TLCD4: variants seen among roughly 807,000 people sequenced by gnomAD.
The protein encoded by TLCD4 is TLC domain containing 4, also known as TLC domain-containing protein 4.
In TLCD4, 7 loss-of-function variants were observed where a neutral mutation model predicts 24.2. The ratio of observed to expected loss-of-function variants is 0.29; its 90% CI spans 0.16 to 0.54. The LOEUF (loss-of-function observed/expected upper bound fraction) is 0.54, where lower values mean the gene tolerates loss of function less well. TLCD4 is among the 20% of genes least tolerant of loss of function. The pLI, the probability that TLCD4 is intolerant of heterozygous loss-of-function variation, is 0.95. For missense variants in TLCD4, 259 were observed against 313.9 expected (o/e 0.82, Z 1.32); for synonymous variants, 103 against 106.4 (o/e 0.97, Z 0.20).
At chr1:95,190,359 C>A (rs1415075202) in intron 6 of TLCD4, among the ~76,000 whole-genome samples, 2 of 151,800 alleles carry the variant, frequency 1.3e-5, no homozygotes, top group Non-Finnish European at 2.9e-5. Flanking sequence ...GAGATGGAAT[C>A]TTGCTCTGTC....
intron 5 of TLCD4, among the ~76,000 whole-genome samples, chr1:95,157,608 C>T (rs542760732): frequency 5.3e-5 from 8 of 152,150 alleles, no homozygotes; most frequent in Non-Finnish European, 5.9e-5. Context: ...TCTTGCTTGA[C>T]GTCTCATGTG....
chr1:95,111,741 T>C, the TLCD4 span, among the ~76,000 whole-genome samples: 75,298 of 151,908 alleles, frequency 0.5, 19,288 homozygotes, highest in Admixed American at 0.6. Flanking sequence ...GGAAGATTGC[T>C]GTATAATGGT....
chr1:95,131,059 A>G (rs758885323), intron 1 of TLCD4, among the ~76,000 whole-genome samples: 4 of 152,186 alleles, frequency 2.6e-5, no homozygotes, highest in Admixed American at 6.5e-5. Flanking sequence ...TAACTGTTTT[A>G]TTTAACATAT....
the TLCD4 span, among the ~76,000 whole-genome samples, chr1:95,092,599 A>G: frequency 1.3e-5 from 2 of 152,140 alleles, no homozygotes; most frequent in African/African-American, 2.4e-5. Context: ...GAGCTGTAAC[A>G]CTCACCGCGA....
intron 2 of TLCD4, among the ~76,000 whole-genome samples, chr1:95,147,479 T>C (rs187675444): frequency 1.3e-5 from 2 of 152,344 alleles, no homozygotes; most frequent in Admixed American, 1.3e-4. Flanking sequence ...AAAATGATTC[T>C]TAGGTATTAT....
At chr1:95,153,760 T>A (rs1261961445) in intron 5 of TLCD4, among the ~76,000 whole-genome samples, 1 of 152,070 alleles carries the variant, frequency 6.6e-6, no homozygotes, top group East Asian at 1.9e-4. Context: ...TATTGTCTTA[T>A]AACAAACAAT....
chr1:95,113,344 C>T (rs1676374366), upstream of TLCD4, among the ~76,000 whole-genome samples: 1 of 152,130 alleles, frequency 6.6e-6, no homozygotes, highest in Admixed American at 6.5e-5. Flanking sequence ...CCACACCTGG[C>T]CCCTAATTGT....
intron 6 of TLCD4, among the ~76,000 whole-genome samples, chr1:95,183,678 A>G (rs1415918244): frequency 6.6e-6 from 1 of 152,038 alleles, no homozygotes; most frequent in Non-Finnish European, 1.5e-5. Flanking sequence ...CGTCTCTACT[A>G]AAAGTACAAA....
chr1:95,181,929 C>CCCT (rs1678661085), intron 6 of TLCD4, among the ~76,000 whole-genome samples: 1 of 152,052 alleles, frequency 6.6e-6, no homozygotes, highest in South Asian at 2.1e-4. Flanking sequence ...GGCCTTCAAT[C>CCCT]TTTTACATAT....
intron 5 of TLCD4, among the ~76,000 whole-genome samples, chr1:95,155,691 G>A (rs1677612393): frequency 6.6e-6 from 1 of 151,386 alleles, no homozygotes; most frequent in East Asian, 1.9e-4. Context: ...TACAGGATCA[G>A]AAAATATAGA....
At chr1:95,114,056 GGTTTGTTT>G (rs745315471), upstream of TLCD4, among the ~76,000 whole-genome samples, 2 of 151,988 alleles carry the variant, frequency 1.3e-5, no homozygotes, top group African/African-American at 2.4e-5. Flanking sequence ...AAAACCTTTT[GGTTTGTTT>G]GTTTGTTTGT....
chr1:95,161,584 T>C (rs1409472311), intron 5 of TLCD4, among the ~76,000 whole-genome samples: 2 of 152,210 alleles, frequency 1.3e-5, no homozygotes, highest in Non-Finnish European at 2.9e-5. Context: ...GTTCTTTTAA[T>C]TGTGATGTTA....
chr1:95,187,264 AT>A (rs1389386655), intron 6 of TLCD4, among the ~76,000 whole-genome samples: 1 of 152,194 alleles, frequency 6.6e-6, no homozygotes, highest in Non-Finnish European at 1.5e-5. Context: ...CAGTGTTAAT[AT>A]CTTATTGTTA....
At chr1:95,189,738 A>G (rs1218447086) in intron 6 of TLCD4, among the ~76,000 whole-genome samples, 1 of 152,230 alleles carries the variant, frequency 6.6e-6, no homozygotes, top group African/African-American at 2.4e-5. Context: ...ATTGCTAAGT[A>G]GTATTCCAAT....
At chr1:95,179,846 C>T (rs1678569859) in intron 6 of TLCD4, among the ~76,000 whole-genome samples, 1 of 152,220 alleles carries the variant, frequency 6.6e-6, no homozygotes, top group Non-Finnish European at 1.5e-5. Flanking sequence ...GCAATGCCTC[C>T]TGTCTTACTT....
chr1:95,140,921 C>A (rs1677182898), intron 1 of TLCD4, among the ~76,000 whole-genome samples: 1 of 152,156 alleles, frequency 6.6e-6, no homozygotes, highest in Non-Finnish European at 1.5e-5. Flanking sequence ...CTACCAGAAG[C>A]CTTGGTTTTC....
intron 4 of TLCD4, among the ~76,000 whole-genome samples, chr1:95,151,003 T>A (rs1243806308): frequency 6.6e-6 from 1 of 152,174 alleles, no homozygotes; most frequent in Non-Finnish European, 1.5e-5. Flanking sequence ...TAATTGCAGT[T>A]TTTGTGATTA....
At chr1:95,148,159 T>G (rs1677399462) in intron 2 of TLCD4, among the ~76,000 whole-genome samples, 1 of 152,208 alleles carries the variant, frequency 6.6e-6, no homozygotes, top group South Asian at 2.1e-4. Context: ...AAGAATCAAG[T>G]GCAATAGTGC....
At chr1:95,111,068 G>A in the TLCD4 span, among the ~76,000 whole-genome samples, 1 of 151,988 alleles carries the variant, frequency 6.6e-6, no homozygotes, top group Non-Finnish European at 1.5e-5. Flanking sequence ...AAAGCAGGAG[G>A]ATTGCTTGAG....
Sources: gnomAD v4.1 joint callset for allele counts (sites outside exome capture counted in the v4.1 genomes callset) on GRCh38, gnomAD v4.1.1 for gene constraint, MANE v1.5 for transcripts, NCBI Gene and HGNC (gene_info 2026-07-23, HGNC 2026-07-21) for gene names.